The following SCD5 variants were observed in gnomAD, a reference collection of about 807,000 sequenced individuals.
SCD5 encodes acyl-CoA-desaturase 4.
A neutral mutation model predicts 30.4 loss-of-function variants in SCD5; 20 were observed. The ratio of observed to expected loss-of-function variants is 0.66; its 90% CI spans 0.46 to 0.96. The LOEUF (loss-of-function observed/expected upper bound fraction) is 0.96. SCD5 is among the 40% of genes least tolerant of loss of function. The pLI is 0.00. For synonymous variants in SCD5, 173 were observed against 176.4 expected (o/e 0.98, Z 0.16); for missense variants, 381 against 443.3 (o/e 0.86, Z 1.26).
chr4:82,663,235 C>G (rs1436950413), intron 3 of SCD5, among the ~76,000 whole-genome samples: 1 of 152,116 alleles, frequency 6.6e-6, no homozygotes, highest in Non-Finnish European at 1.5e-5. Flanking sequence ...TTTGTCAAAG[C>G]AAGGAGAAAG....
At position 82,708,305 on chromosome 4, in the gene SCD5, T is replaced by C. The variant is rs577620245; in HGVS notation, c.233-2892A>G. ...ATTCCCATTGGATTTTGTTATTATATATATTTTCTTACTGTAAAATAAAAT... is the reference window on the plus strand; with the variant it reads ...ATTCCCATTGGATTTTGTTATTATACATATTTTCTTACTGTAAAATAAAAT... On this transcript the variant is annotated intron_variant, in intron 1 of 4. Transcript: ENST00000319540. 2.0e-5 allele frequency among the ~76,000 whole-genome samples: 3 copies of C among 152,328 alleles called. No individual in the cohort carries two copies. In the East Asian group the frequency reaches 5.8e-4, roughly 29 times the overall value.
intron 1 of SCD5, among the ~76,000 whole-genome samples, chr4:82,771,661 T>G: frequency 6.6e-6 from 1 of 152,126 alleles, no homozygotes; most frequent in East Asian, 1.9e-4. Flanking sequence ...CATGGTCCCA[T>G]GCCTGCCTCT....
At chr4:82,669,532 C>T (rs1254604765) in intron 3 of SCD5, among the ~76,000 whole-genome samples, 1 of 152,138 alleles carries the variant, frequency 6.6e-6, no homozygotes, top group East Asian at 1.9e-4. Context: ...TTCACAGGAA[C>T]TAGTGGTGTG....
intron 2 of SCD5, among the ~76,000 whole-genome samples, chr4:82,688,366 A>G (rs1202723995): frequency 6.6e-6 from 1 of 152,104 alleles, no homozygotes; most frequent in Non-Finnish European, 1.5e-5. Context: ...GAGCTGTTCT[A>G]TCAAGAGGGT....
chr4:82,705,726 A>G (rs1719955217), intron 1 of SCD5, among the ~76,000 whole-genome samples: 1 of 152,202 alleles, frequency 6.6e-6, no homozygotes, highest in Non-Finnish European at 1.5e-5. Flanking sequence ...TACATTTGCA[A>G]TTCAATTTCA....
chr4:82,688,719 G>A (rs1728764768), intron 2 of SCD5, among the ~76,000 whole-genome samples: 1 of 151,924 alleles, frequency 6.6e-6, no homozygotes, highest in Non-Finnish European at 1.5e-5. Flanking sequence ...TTAGAGGCTG[G>A]GTAAGTGTTG....
At chr4:82,785,337 G>A (rs1293296917) in intron 1 of SCD5, among the ~76,000 whole-genome samples, 3 of 152,160 alleles carry the variant, frequency 2.0e-5, no homozygotes, top group South Asian at 2.1e-4. Flanking sequence ...AAAAGCAAAG[G>A]ATGACCATGC....
At chr4:82,701,643 C>T (rs551596617) in intron 2 of SCD5, among the ~76,000 whole-genome samples, 1 of 152,250 alleles carries the variant, frequency 6.6e-6, no homozygotes, top group Admixed American at 6.5e-5. Context: ...GTGTGAACTT[C>T]GAGAAGTCAC....
chr4:82,698,208 C>T (rs1158550410), intron 2 of SCD5: 1 of 442,628 alleles, frequency 2.3e-6, no homozygotes, highest in Admixed American at 2.4e-5. Flanking sequence ...GGAAAGGTGG[C>T]AACACTGAAA....
At chr4:82,670,631 AATATCAATTCC>A (rs1319348642) in intron 3 of SCD5, among the ~76,000 whole-genome samples, 4 of 152,078 alleles carry the variant, frequency 2.6e-5, no homozygotes, top group Admixed American at 6.5e-5. Context: ...ATTGATATGG[AATATCAATTCC>A]ATATCAATTC....
intron 1 of SCD5, among the ~76,000 whole-genome samples, chr4:82,735,865 G>T (rs1720739927): frequency 6.6e-6 from 1 of 152,152 alleles, no homozygotes; most frequent in African/African-American, 2.4e-5. Context: ...ATTAGCCCGT[G>T]GTTAAACTGG....
intron 3 of SCD5, among the ~76,000 whole-genome samples, chr4:82,669,749 A>T (rs1251508247): frequency 6.6e-6 from 1 of 152,174 alleles, no homozygotes; most frequent in Non-Finnish European, 1.5e-5. Context: ...AGGGGAAAAG[A>T]GCCACTTTGA....
intron 1 of SCD5, among the ~76,000 whole-genome samples, chr4:82,722,319 T>C (rs976551095): frequency 6.7e-6 from 1 of 150,102 alleles, no homozygotes; most frequent in African/African-American, 2.5e-5. Flanking sequence ...AATTTTAAGT[T>C]TGTAGCCTCC....
chr4:82,643,825 C>T (rs552734429), intron 3 of SCD5, among the ~76,000 whole-genome samples: 8 of 152,280 alleles, frequency 5.3e-5, no homozygotes, highest in East Asian at 3.9e-4. Flanking sequence ...GCAGTGACAC[C>T]CAGTCCGGCA....
At chr4:82,747,874 C>T (rs943603327) in intron 1 of SCD5, among the ~76,000 whole-genome samples, 6 of 152,170 alleles carry the variant, frequency 3.9e-5, no homozygotes, top group African/African-American at 1.4e-4. Context: ...AGGAAACCAG[C>T]AGCCACAGAA....
chr4:82,745,994 G>A (rs1204462985), intron 1 of SCD5, among the ~76,000 whole-genome samples: 1 of 152,176 alleles, frequency 6.6e-6, no homozygotes, highest in African/African-American at 2.4e-5. Context: ...CTGTCTACTA[G>A]GTTGTTCTAA....
intron 1 of SCD5, among the ~76,000 whole-genome samples, chr4:82,719,353 AACTTACCC>A (rs1367847037): frequency 2.0e-5 from 3 of 151,650 alleles, no homozygotes; most frequent in African/African-American, 7.3e-5. Context: ...TACCAGGGCT[AACTTACCC>A]ACTAGACACA....
intron 3 of SCD5, among the ~76,000 whole-genome samples, chr4:82,657,106 A>T (rs1301070209): frequency 1.3e-5 from 2 of 152,070 alleles, no homozygotes; most frequent in African/African-American, 4.8e-5. Flanking sequence ...GTTTAATTAG[A>T]TCCCATTTGT....
intron 1 of SCD5, among the ~76,000 whole-genome samples, chr4:82,721,130 C>T (rs767665623): frequency 5.9e-5 from 9 of 152,098 alleles, no homozygotes; most frequent in South Asian, 2.1e-4. Flanking sequence ...CACTGCATTC[C>T]GGTCTAGGTG....
Sources: allele counts gnomAD v4.1 joint callset (sites outside exome capture counted in the v4.1 genomes callset), GRCh38; gene constraint gnomAD v4.1.1; transcripts MANE v1.5; gene names NCBI Gene and HGNC (gene_info 2026-07-23, HGNC 2026-07-21).